ZEB2: variants seen among roughly 807,000 people sequenced by gnomAD.
ZEB2 encodes the protein zinc finger E-box-binding homeobox 2.
ZEB2 carries 6 observed loss-of-function variants against 99.9 expected under a neutral mutation model. The observed-to-expected ratio is 0.06, with a 90% CI of 0.03 to 0.12. The LOEUF (loss-of-function observed/expected upper bound fraction) is 0.12. ZEB2 is among the 10% of genes least tolerant of loss of function. ZEB2 has a pLI of 1.00. For missense variants in ZEB2, 969 were observed against 1,502.8 expected, an observed-to-expected ratio of 0.64 and a Z score of 5.87; for synonymous variants, 517 against 542.5, an observed-to-expected ratio of 0.95 and a Z score of 0.65.
chr2:144,394,852 C>T (rs1703200057), intron 9 of ZEB2, among the ~76,000 whole-genome samples: 2 of 152,136 alleles, frequency 1.3e-5, no homozygotes, highest in Admixed American at 6.5e-5. Flanking sequence ...ACTTGAGCTG[C>T]CTCCAGCATG....
intron 3 of ZEB2, chr2:144,428,667 C>T (rs1438997040): frequency 1.3e-5 from 2 of 152,124 alleles, no homozygotes; most frequent in Non-Finnish European, 2.9e-5. Flanking sequence ...CTTTTTCTTT[C>T]ATCTCACATT....
intron 2 of ZEB2, among the ~76,000 whole-genome samples, chr2:144,459,156 T>G (rs1335243464): frequency 3.3e-5 from 5 of 152,152 alleles, no homozygotes; most frequent in African/African-American, 4.8e-5. Context: ...AGCCCAAGCT[T>G]TAAGCATTAG....
chr2:144,416,826 CT>C (rs1477999391), intron 4 of ZEB2, among the ~76,000 whole-genome samples: 1 of 152,148 alleles, frequency 6.6e-6, no homozygotes, highest in Non-Finnish European at 1.5e-5. Flanking sequence ...TTTAAGGCAC[CT>C]CTCTTGTCCT....
intron 2 of ZEB2, among the ~76,000 whole-genome samples, chr2:144,488,348 C>T (rs1228985247): frequency 6.6e-6 from 1 of 152,112 alleles, no homozygotes. Flanking sequence ...TACAGTGGAA[C>T]CCACTTAAAT....
In ZEB2 at chr2:144,512,578, G is replaced by T. The variant is rs759882055; in HGVS notation, c.73+4700C>A. The stretch of plus-strand genomic sequence containing the variant: ...GTTTTACCCTATTTGAAAACAAATG[G>T]TGGAAGACGTGAATTTATTTGTATC... On this transcript the variant is annotated intron_variant, in intron 2 of 9. Coordinates refer to ENST00000627532, the MANE Select transcript of ZEB2 (RefSeq NM_014795.4). 29 of 1,287,220 alleles carry T rather than the reference G, an allele frequency of 2.3e-5. 1 individual carries two copies. In the South Asian group the frequency reaches 3.5e-4, roughly 15 times the overall value. 79.7% of individuals were successfully genotyped at this position (1,287,220 alleles called of 1,614,324 possible).
intron 4 of ZEB2, among the ~76,000 whole-genome samples, chr2:144,409,381 C>T (rs1703428251): frequency 6.6e-6 from 1 of 152,060 alleles, no homozygotes; most frequent in African/African-American, 2.4e-5. Context: ...GAATGAGGTA[C>T]AAAAGTAGCT....
chr2:144,421,969 A>C (rs1703624736), intron 4 of ZEB2, among the ~76,000 whole-genome samples: 1 of 152,214 alleles, frequency 6.6e-6, no homozygotes, highest in Admixed American at 6.5e-5. Flanking sequence ...CTTCTTCTGT[A>C]AATCTAGAAA....
At chr2:144,460,650 C>G (rs1704180806) in intron 2 of ZEB2, among the ~76,000 whole-genome samples, 1 of 152,040 alleles carries the variant, frequency 6.6e-6, no homozygotes, top group African/African-American at 2.4e-5. Flanking sequence ...AAACCTTTCT[C>G]CATAATCCTG....
At chr2:144,416,188 G>A (rs1423916156) in intron 4 of ZEB2, among the ~76,000 whole-genome samples, 2 of 152,108 alleles carry the variant, frequency 1.3e-5, no homozygotes, top group African/African-American at 4.8e-5. Flanking sequence ...ATCAGGCCCT[G>A]AAAAGTTTCC....
intron 2 of ZEB2, among the ~76,000 whole-genome samples, chr2:144,489,480 A>G (rs1704645885): frequency 6.6e-6 from 1 of 152,178 alleles, no homozygotes; most frequent in African/African-American, 2.4e-5. Flanking sequence ...TCTAATCTAT[A>G]CTTTGTCTTT....
chr2:144,508,359 T>A (rs1179278182), intron 2 of ZEB2, among the ~76,000 whole-genome samples: 4 of 152,176 alleles, frequency 2.6e-5, no homozygotes, highest in Non-Finnish European at 5.9e-5. Flanking sequence ...GAAGTAGATC[T>A]GCGCTGTCAA....
At chr2:144,414,257 ATTC>A (rs1380616286) in intron 4 of ZEB2, among the ~76,000 whole-genome samples, 1 of 152,192 alleles carries the variant, frequency 6.6e-6, no homozygotes, top group Non-Finnish European at 1.5e-5. Flanking sequence ...GTACTCTGCT[ATTC>A]TTCTCATGTA....
At chr2:144,450,480 C>T (rs536723599) in intron 2 of ZEB2, 1 of 152,216 alleles carries the variant, frequency 6.6e-6, no homozygotes, top group Admixed American at 6.5e-5. Flanking sequence ...CTAATCAACA[C>T]TCTGATTTAG....
intron 2 of ZEB2, among the ~76,000 whole-genome samples, chr2:144,456,249 T>C (rs1482327575): frequency 6.6e-6 from 1 of 152,210 alleles, no homozygotes; most frequent in Non-Finnish European, 1.5e-5. Flanking sequence ...ACTGAGTTTA[T>C]TTGCCTAGGC....
At chr2:144,424,327 C>A (rs1197321370) in intron 4 of ZEB2, 1 of 517,578 alleles carries the variant, frequency 1.9e-6, no homozygotes. Flanking sequence ...TTAAAAGGAA[C>A]TGAGATGATT....
At chr2:144,513,251 C>T (rs1277035150) in intron 2 of ZEB2, 1 of 1,288,058 alleles carries the variant, frequency 7.8e-7, no homozygotes, top group Non-Finnish European at 1.0e-6. Context: ...AGAGTGAGGG[C>T]TTATTTTAAA....
intron 6 of ZEB2, among the ~76,000 whole-genome samples, chr2:144,402,437 G>C (rs1486076596): frequency 6.6e-6 from 1 of 152,098 alleles, no homozygotes; most frequent in Non-Finnish European, 1.5e-5. Context: ...CCAGCCCGCC[G>C]AGCGCCATTG....
chr2:144,489,701 G>C (rs1057258102), intron 2 of ZEB2, among the ~76,000 whole-genome samples: 2 of 152,186 alleles, frequency 1.3e-5, no homozygotes, highest in Admixed American at 6.5e-5. Context: ...TCTTAATCAC[G>C]CTGCTCATTT....
intron 2 of ZEB2, among the ~76,000 whole-genome samples, chr2:144,468,820 T>TGG (rs1704311247): frequency 6.6e-6 from 1 of 152,138 alleles, no homozygotes; most frequent in Non-Finnish European, 1.5e-5. Flanking sequence ...TGTTCATTAT[T>TGG]CACATGCTAC....
Sources: allele counts gnomAD v4.1 joint callset (sites outside exome capture counted in the v4.1 genomes callset), GRCh38; gene constraint gnomAD v4.1.1; transcripts MANE v1.5; gene names NCBI Gene and HGNC (gene_info 2026-07-23, HGNC 2026-07-21).